RYR1: variants seen among roughly 807,000 people sequenced by gnomAD.
The protein encoded by RYR1 is ryanodine receptor 1, also known as central core disease of muscle.
RYR1 carries 342 observed loss-of-function variants against 583.5 expected under a neutral mutation model. The ratio of observed to expected loss-of-function variants is 0.59; its 90% confidence interval spans 0.54 to 0.64. The LOEUF (loss-of-function observed/expected upper bound fraction) is 0.64, where lower values mean the gene tolerates loss of function less well. RYR1 is among the 30% of genes least tolerant of loss of function. The probability of loss-of-function intolerance (pLI) is 0.00; values close to 1 mark genes in which losing one functional copy is unlikely to be tolerated. For synonymous variants in RYR1, 2,791 were observed against 2,822.5 expected (o/e 0.99, Z 0.35); for missense variants, 6,032 against 6,917.2 (o/e 0.87, Z 4.54).
In RYR1 at chr19:38,489,523, T is replaced by C. The variant is rs747311353; in HGVS notation, c.5814+80T>C. On this transcript the variant is annotated intron_variant, in intron 35 of 105. Transcript: ENST00000359596. ...GGGTAGGTGGGATGTGAGTCTGGAC[T>C]TCGTCCTCAGGCAGTGGGGAGCTGT... 2.0e-6 allele frequency: 3 copies of C among 1,537,170 alleles called. No homozygotes were observed. The African/African-American group carries it at 4.1e-5, about 21-fold the overall frequency.
Position 38,490,653 on chromosome 19 carries a change from A to G in RYR1, c.6048A>G (p.Thr2016=). The G allele has an allele frequency of 6.2e-7, 1 of 1,613,384 alleles. No homozygotes were observed. Among genetic ancestry groups the G allele is most frequent in the Non-Finnish European group, 8.5e-7 (1 of 1,179,270 alleles). The part of the protein sequence containing the change: ...INMLLQFKDG[T]DEEDCPLPEE... ...TGCTATTGCAATTCAAAGATGGTAC[A>G]GATGAGGAAGACTGTCCTCTCCCTG... Residue 2016 remains threonine (T), a synonymous_variant, in exon 37 of 106, where the codon ACA becomes ACG. Coordinates refer to ENST00000359596, the MANE Select transcript of RYR1 (RefSeq NM_000540.3).
At chr19:38,503,946 G>A (rs1360028400) in intron 49 of RYR1, among the ~76,000 whole-genome samples, 1 of 151,994 alleles carries the variant, frequency 6.6e-6, no homozygotes, top group Non-Finnish European at 1.5e-5. Flanking sequence ...ATATTAGCAC[G>A]CTTATTTGTG....
At chr19:38,471,899 C>CAAAAAA (rs35479919) in intron 27 of RYR1, among the ~76,000 whole-genome samples, 1 of 59,992 alleles carries the variant, frequency 1.7e-5, no homozygotes, top group Non-Finnish European at 3.6e-5. Context: ...GACTCTGTCT[C>CAAAAAA]AAAAAAAAAA....
chr19:38,519,036 C>T (rs1410661930), intron 66 of RYR1, among the ~76,000 whole-genome samples, 178 bp from the exon 67 acceptor site: 1 of 151,770 alleles, frequency 6.6e-6, no homozygotes, highest in Non-Finnish European at 1.5e-5. Flanking sequence ...GTCTTAGGTT[C>T]AGGTTAGGGG....
chr19:38,548,394 C>T lies in RYR1; in HGVS notation c.12256C>T (p.Leu4086Phe). The T allele has an allele frequency of 6.2e-7, 1 of 1,613,988 alleles. No individual in the cohort carries two copies. Among genetic ancestry groups the T allele is most frequent in the South Asian group, 1.1e-5 (1 of 91,080 alleles). Residue 4086 changes from leucine to phenylalanine, a missense_variant, in exon 89 of 106, where the codon CTC (leucine) becomes TTC (phenylalanine). This residue lies in a region of RYR1 where 753 missense variants were observed against 759.6 expected (regional missense o/e 0.99). Transcript: ENST00000359596. ...FQDYVTDPRGLISKKDFQKAM... is the reference protein window; with the variant it reads ...FQDYVTDPRGFISKKDFQKAM... ...GGACTACGTAACGGATCCCCGTGGCCTCATCTCCAAGAAGGACTTCCAGAA... is the reference window on the plus strand; with the variant it reads ...GGACTACGTAACGGATCCCCGTGGCTTCATCTCCAAGAAGGACTTCCAGAA...
chr19:38,523,404 C>A, intron 69 of RYR1, 95 bp downstream of exon 69: 12 of 1,445,044 alleles, frequency 8.3e-6, no homozygotes, highest in Non-Finnish European at 1.2e-5. Context: ...GCCAGCCCGT[C>A]CTGGGCGCAA....
At chr19:38,482,805 T>C (rs1969077606) in intron 31 of RYR1, among the ~76,000 whole-genome samples, 1 of 151,632 alleles carries the variant, frequency 6.6e-6, no homozygotes, top group Admixed American at 6.6e-5. Flanking sequence ...CAGTGCGGGG[T>C]GTGATGTGTG....
At chr19:38,562,281 A>T (rs1973180816) in intron 90 of RYR1, among the ~76,000 whole-genome samples, 1 of 151,988 alleles carries the variant, frequency 6.6e-6, no homozygotes, top group African/African-American at 2.4e-5. Flanking sequence ...ATGCTTGAAC[A>T]TCCCTCACAC....
intron 89 of RYR1, among the ~76,000 whole-genome samples, chr19:38,551,111 G>A (rs1043928651): frequency 8.4e-6 from 1 of 118,892 alleles, no homozygotes. Context: ...GCAATGGTAT[G>A]ATCTTGGCTC....
At position 38,467,676 on chromosome 19, in the gene RYR1, T is replaced by C. The variant is rs771461266; in HGVS notation, c.3245T>C (p.Val1082Ala). 1 of 1,614,234 alleles carries C rather than the reference T, an allele frequency of 6.2e-7. No homozygotes were observed. Among genetic ancestry groups the C allele is most frequent in the South Asian group, 1.1e-5 (1 of 91,088 alleles). ...TTCCGGGCAGAGAAATCCTATACAG[T>C]GCAGAGCGGCCGCTGGTACTTCGAG... ...RIFRAEKSYT[V>A]QSGRWYFEFE... is the part of the protein sequence containing the mutation. Residue 1082 changes from valine to alanine, a missense_variant, in exon 25 of 106, where the codon GTG (valine) becomes GCG (alanine). This residue lies in a region of RYR1 where 2,627 missense variants were observed against 2,961.3 expected (regional missense o/e 0.89). Coordinates refer to ENST00000359596, the MANE Select transcript of RYR1 (RefSeq NM_000540.3).
At position 38,512,299 on chromosome 19, in the gene RYR1, C is replaced by T. The variant is rs374011553; in HGVS notation, c.9288C>T (p.Phe3096=). 8.1e-6 allele frequency: 13 copies of T among 1,614,110 alleles called. No individual in the cohort carries two copies. The highest frequency in any genetic ancestry group is 4.0e-5 in the African/African-American group (3 of 74,938). ...EIVKAGLRSF[F]ESASEDIEKM... Reference sequence around the variant, plus strand: ...TGAAGGCTGGCCTCCGCTCCTTCTTCGAGAGTGCCTCGGAGGACATCGAGA... The same window carrying T: ...TGAAGGCTGGCCTCCGCTCCTTCTTTGAGAGTGCCTCGGAGGACATCGAGA... Residue 3096 remains phenylalanine (F), a synonymous_variant, in exon 63 of 106, where the codon TTC becomes TTT. Coordinates refer to ENST00000359596, the MANE Select transcript of RYR1 (RefSeq NM_000540.3). This position sits in a 1 kb window ranked among gnomAD's most constrained non-coding sequence, Gnocchi z 5.1.
At chr19:38,549,894 T>TGTGTGA (rs1972592341) in intron 89 of RYR1, among the ~76,000 whole-genome samples, 1 of 138,830 alleles carries the variant, frequency 7.2e-6, no homozygotes, top group Non-Finnish European at 1.6e-5. Flanking sequence ...TGTGTGTGTG[T>TGTGTGA]GTGTGTGTGT....
intron 97 of RYR1, among the ~76,000 whole-genome samples, chr19:38,577,191 C>CAT (rs1429193273): frequency 6.6e-6 from 1 of 152,036 alleles, no homozygotes; most frequent in Non-Finnish European, 1.5e-5. Context: ...CAGCCGATTG[C>CAT]CTGCCTTTCT....
chr19:38,459,170 C>T lies in RYR1; in HGVS notation c.2192C>T (p.Ser731Phe). 6.2e-7 allele frequency: 1 copy of T among 1,613,752 alleles called. No individual in the cohort carries two copies. The highest frequency in any genetic ancestry group is 8.5e-7 in the Non-Finnish European group (1 of 1,180,020). Residue 731 changes from serine to phenylalanine, a missense_variant, in exon 19 of 106, where the codon TCC becomes TTC. By Grantham distance (155) the Ser-to-Phe change is radical. Coordinates refer to ENST00000359596, the MANE Select transcript of RYR1 (RefSeq NM_000540.3). ...GGACACGTGGCACGCCCAGTGACTT[C>T]CCCAGGGCAGCACCTCCTGGCCCCT... ...WTGHVARPVT[S>F]PGQHLLAPED...
Position 38,459,192 on chromosome 19 carries a change from C to T in RYR1, c.2214C>T (p.Ala738=), listed in dbSNP as rs772739422. Residue 738 remains alanine, a synonymous_variant, in exon 19 of 106, where the codon GCC becomes GCT. Coordinates refer to ENST00000359596, the MANE Select transcript of RYR1 (RefSeq NM_000540.3). ...PVTSPGQHLL[A]PEDVISCCLD... ...CTTCCCCAGGGCAGCACCTCCTGGC[C>T]CCTGAAGACGTGATCAGCTGCTGCC... 3 of 1,614,094 alleles carry T rather than the reference C, an allele frequency of 1.9e-6. No homozygotes were observed. In the South Asian group the frequency reaches 3.3e-5, roughly 18 times the overall value.
At chr19:38,534,130 G>A (rs2145742171) in intron 78 of RYR1, among the ~76,000 whole-genome samples, 1 of 151,174 alleles carries the variant, frequency 6.6e-6, no homozygotes, top group East Asian at 2.0e-4. Flanking sequence ...TCCTGCCTCA[G>A]CCTCCCAAGT....
chr19:38,460,401 A>G lies in RYR1; in HGVS notation c.2387A>G (p.His796Arg). ...VKVRFLLGGR[H>R]GEFKFLPPPG... ...GTGCGGTTCCTCCTTGGTGGCCGCC[A>G]TGGTGAATTCAAGTTCCTGCCCCCA... The change falls in exon 20 of 106, where the codon CAT (histidine) becomes CGT (arginine). Residue 796 changes from histidine (H) to arginine (R), a missense_variant. Transcript: ENST00000359596. The G allele has an allele frequency of 6.2e-7, 1 of 1,613,894 alleles. No homozygotes were observed. The highest frequency in any genetic ancestry group is 8.5e-7 in the Non-Finnish European group (1 of 1,179,946).
intron 48 of RYR1, 75 bp downstream of exon 48, chr19:38,502,802 G>GGGAGGAGCAGGGGGAGGA (rs1335305581): frequency 2.9e-6 from 3 of 1,039,542 alleles, no homozygotes; most frequent in South Asian, 1.8e-5. Flanking sequence ...CAGGGGCAGG[G>GGGAGGAGCAGGGGGAGGA]GCAGGGGGAG....
rs1207699169 is a variant in RYR1 at position 38,527,688 on chromosome 19, C to T, written c.10728C>T (p.Tyr3576=). 1 of 1,614,132 alleles carries T rather than the reference C, an allele frequency of 6.2e-7. No individual in the cohort carries two copies. The highest frequency in any genetic ancestry group is 8.5e-7 in the Non-Finnish European group (1 of 1,180,022). Residue 3576 remains tyrosine (Y), a synonymous_variant, in exon 73 of 106, where the codon TAC becomes TAT. Coordinates refer to ENST00000359596, the MANE Select transcript of RYR1 (RefSeq NM_000540.3). ...CTCTGCGCTGGCAGATGGCTCTGTA[C>T]CGGGGCGTCCCGGGTCGCGAGGAGG... The part of the protein sequence containing the change: ...SPSLRWQMAL[Y]RGVPGREEDA...
Sources: gnomAD v4.1 joint callset for allele counts (sites outside exome capture counted in the v4.1 genomes callset) on GRCh38, gnomAD v4.1.1 for gene constraint, gnomAD v4.1.1 regional missense constraint, Gnocchi (gnomAD v3.1) non-coding constraint, MANE v1.5 for transcripts, NCBI Gene and HGNC (gene_info 2026-07-23, HGNC 2026-07-21) for gene names.